The following FGFR3 variants were observed in gnomAD, a reference collection of about 807,000 sequenced individuals.
FGFR3 encodes fibroblast growth factor receptor 3.
A neutral mutation model predicts 82.9 loss-of-function variants in FGFR3; 25 were observed. The observed-to-expected ratio is 0.30, with a 90% confidence interval of 0.22 to 0.42. The LOEUF (loss-of-function observed/expected upper bound fraction) is 0.42. FGFR3 is among the 10% of genes least tolerant of loss of function. FGFR3 has a pLI of 1.00. For synonymous variants in FGFR3, 620 were observed against 516.0 expected (o/e 1.20, Z -2.73); for missense variants, 1,026 against 1,161.0 (o/e 0.88, Z 1.69).
intron 9 of FGFR3, 119 bp downstream of exon 9, chr4:1,804,639 C>T (rs1721645161): frequency 1.4e-6 from 2 of 1,452,220 alleles, no homozygotes; most frequent in Admixed American, 3.4e-5. Context: ...GCGGGCTCCC[C>T]TCTCCTCGTC....
chr4:1,803,625 G>A, intron 7 of FGFR3, 67 bp from the exon 8 acceptor site: 1 of 1,582,194 alleles, frequency 6.3e-7, no homozygotes, highest in Non-Finnish European at 8.6e-7. Context: ...ATCCTGCCGT[G>A]TGGACTCTGT....
intron 8 of FGFR3, 35 bp from the exon 9 acceptor site, chr4:1,804,295 G>A (rs745558716): frequency 7.7e-6 from 12 of 1,556,552 alleles, no homozygotes; most frequent in Admixed American, 5.5e-5. Context: ...TGGGGGGGGG[G>A]GCCAGGCCAG....
At chr4:1,795,400 C>G (rs1057165781) in intron 2 of FGFR3, among the ~76,000 whole-genome samples, 3 of 151,830 alleles carry the variant, frequency 2.0e-5, no homozygotes, top group Admixed American at 6.5e-5. Context: ...GGGCCTCCCC[C>G]AGTCGCTCCT....
In FGFR3 at chr4:1,807,861, G is replaced by A. The variant is rs1176074325; in HGVS notation, c.*599G>A. On this transcript the variant is annotated 3_prime_UTR_variant, in exon 18 of 18. Coordinates refer to ENST00000440486, the MANE Select transcript of FGFR3 (RefSeq NM_000142.5). Reference sequence around the variant, plus strand: ...CAAAAGGTTTATTCCGGAAACTAGTGTACATTTCTATAAATAGATGCTGTG... The same window carrying A: ...CAAAAGGTTTATTCCGGAAACTAGTATACATTTCTATAAATAGATGCTGTG... The A allele has an allele frequency of 1.6e-5, 7 of 426,212 alleles. No individual in the cohort carries two copies. The highest frequency in any genetic ancestry group is 7.3e-5 in the Admixed American group (2 of 27,534). The allele number at this position is 426,212 out of a possible 1,614,324, so 26.4% of individuals were successfully genotyped here.
At chr4:1,802,232 G>A (rs1274790025) in intron 7 of FGFR3, among the ~76,000 whole-genome samples, 2 of 152,188 alleles carry the variant, frequency 1.3e-5, no homozygotes, top group Admixed American at 6.5e-5. Context: ...TTCCGTGTCT[G>A]CAGAGGGCCA....
rs1467223293 is a variant in FGFR3 at position 1,801,498 on chromosome 4, A to G, written c.577A>G (p.Arg193Gly). Residue 193 changes from arginine to glycine, a missense_variant, in exon 5 of 18, where the codon AGG becomes GGG. Arg to Gly is a moderately radical substitution (Grantham distance 125, BLOSUM62 -2). This residue lies in a region of FGFR3 where 147 missense variants were observed against 228.1 expected (regional missense o/e 0.64). Coordinates refer to ENST00000440486, the MANE Select transcript of FGFR3 (RefSeq NM_000142.5). ...CTCCATCTCCTGGCTGAAGAACGGC[A>G]GGGAGTTCCGCGGCGAGCACCGCAT... ...TPSISWLKNG[R>G]EFRGEHRIGG... 3.2e-6 allele frequency: 5 copies of G among 1,561,008 alleles called. No individual in the cohort carries two copies. Among genetic ancestry groups the G allele is most frequent in the Non-Finnish European group, 4.3e-6 (5 of 1,153,198 alleles).
At chr4:1,796,175 G>A (rs909930181) in intron 2 of FGFR3, among the ~76,000 whole-genome samples, 1 of 152,154 alleles carries the variant, frequency 6.6e-6, no homozygotes, top group Non-Finnish European at 1.5e-5. Flanking sequence ...GGTGGGGTAG[G>A]GGTCAGCCTG....
In FGFR3 at chr4:1,805,454, C is replaced by T. The variant is rs755839585; in HGVS notation, c.1512C>T (p.Thr504=). 6.2e-6 allele frequency: 10 copies of T among 1,611,930 alleles called. No individual in the cohort carries two copies. The highest frequency in any genetic ancestry group is 3.3e-5 in the Admixed American group (2 of 59,968). The change falls in exon 11 of 18, where the codon ACC becomes ACT. Residue 504 remains threonine, a synonymous_variant. Coordinates refer to ENST00000440486, the MANE Select transcript of FGFR3 (RefSeq NM_000142.5). The part of the protein sequence containing the change: ...IDKDRAAKPV[T]VAVKMLKDDA... ...AGGACCGGGCCGCCAAGCCTGTCAC[C>T]GTAGCCGTGAAGATGCTGAAAGGTG...
Position 1,806,898 on chromosome 4 carries a change from G to A in FGFR3, c.2238G>A (p.Glu746=), listed in dbSNP as rs2108814694. 1.2e-6 allele frequency: 2 copies of A among 1,611,408 alleles called. No individual in the cohort carries two copies. The highest frequency in any genetic ancestry group is 1.7e-6 in the Non-Finnish European group (2 of 1,179,482). Residue 746 remains glutamate, a synonymous_variant, in exon 17 of 18, where the codon GAG becomes GAA. Transcript: ENST00000440486. ...SQRPTFKQLV[E]DLDRVLTVTS... is the part of the protein sequence containing the mutation. ...GGCCCACCTTCAAGCAGCTGGTGGA[G>A]GACCTGGACCGTGTCCTTACCGTGA... is the stretch of plus-strand genomic sequence containing the variant.
In FGFR3 at chr4:1,803,559, C is replaced by T. The variant is rs1721473243; in HGVS notation, c.931-133C>T. On this transcript the variant is annotated intron_variant, in intron 7 of 17. Transcript: ENST00000440486. The stretch of plus-strand genomic sequence containing the variant: ...GGGCCCTCAGCCGCGTGGCGGTGAC[C>T]AAGTTGGCGGTGGCTGAGGAGTTGG... The T allele has an allele frequency of 3.4e-6, 5 of 1,463,726 alleles. No individual in the cohort carries two copies. The South Asian group carries it at 6.5e-5, about 19-fold the overall frequency. The allele number at this position is 1,463,726 out of a possible 1,614,324, so 90.7% of individuals were successfully genotyped here.
chr4:1,794,217 T>C lies in FGFR3; in HGVS notation c.109+174T>C, dbSNP rs17884005. 0.024 allele frequency among the ~76,000 whole-genome samples: 3,704 copies of C among 152,298 alleles called. 92 individuals carry two copies. The highest frequency in any genetic ancestry group is 0.064 in the African/African-American group (2,661 of 41,568). ...GCGCGGCCAGAGCTAGCGCGGCGAC[T>C]TGTGGTGCGCCCGGAGCCGCAGCTA... On this transcript the variant is annotated intron_variant, in intron 2 of 17. Transcript: ENST00000440486.
At chr4:1,794,125 A>T in intron 2 of FGFR3, 82 bp downstream of exon 2, 1 of 784,426 alleles carries the variant, frequency 1.3e-6, no homozygotes, top group Non-Finnish European at 1.8e-6. Flanking sequence ...CCCGGGTCGG[A>T]GGGGCCGCCG....
rs749083353 is a variant in FGFR3, at chr4:1,804,872, C to T, written c.1315C>T (p.Arg439Cys). 13 of 1,550,170 alleles carry T rather than the reference C, an allele frequency of 8.4e-6. No homozygotes were observed. Among genetic ancestry groups the T allele is most frequent in the Middle Eastern group, 1.8e-4 (1 of 5,584 alleles). The change falls in exon 10 of 18, where the codon CGC (arginine) becomes TGC (cysteine). Residue 439 changes from arginine to cysteine, a missense_variant. Physicochemically the swap from Arg to Cys is radical, Grantham distance 180. Around this residue, in one of 9 missense-constraint regions of FGFR3, gnomAD observed 256 missense variants for 217.6 expected, o/e 1.18. Coordinates refer to ENST00000440486, the MANE Select transcript of FGFR3 (RefSeq NM_000142.5). ...ASMSSNTPLV[R>C]IARLSSGEGP... ...CATGAGCTCCAACACACCACTGGTG[C>T]GCATCGCAAGGCTGTCCTCAGGGGA...
At chr4:1,803,914 G>A (rs975959471) in intron 8 of FGFR3, 78 bp downstream of exon 8, 27 of 1,455,484 alleles carry the variant, frequency 1.9e-5, no homozygotes, top group East Asian at 9.1e-5. Flanking sequence ...CTGCCAGGAC[G>A]GACGGGAATC....
At chr4:1,801,010 C>G (rs892976129) in intron 4 of FGFR3, among the ~76,000 whole-genome samples, 7 of 152,196 alleles carry the variant, frequency 4.6e-5, no homozygotes, top group African/African-American at 1.7e-4. Context: ...CAGGTCCTGG[C>G]TTGTCCACTA....
At chr4:1,802,799 T>C in intron 7 of FGFR3, 2 of 1,340,678 alleles carry the variant, frequency 1.5e-6, no homozygotes, top group Non-Finnish European at 9.8e-7. Context: ...CAGGCAGCCT[T>C]TGGGGCTGAC....
intron 2 of FGFR3, among the ~76,000 whole-genome samples, chr4:1,798,107 C>G (rs886093263): frequency 2.0e-5 from 3 of 152,126 alleles, no homozygotes; most frequent in African/African-American, 7.2e-5. Context: ...ATTGTCCCCC[C>G]AGCCCTGCCC....
chr4:1,803,656 C>T, intron 7 of FGFR3, 36 bp from the exon 8 acceptor site: 1 of 1,607,590 alleles, frequency 6.2e-7, no homozygotes, highest in East Asian at 2.2e-5. Context: ...CAGGGCGGTG[C>T]TGGCGCTCGC....
chr4:1,804,878 G>T lies in FGFR3; in HGVS notation c.1321G>T (p.Ala441Ser). 1.9e-6 allele frequency: 3 copies of T among 1,550,108 alleles called. No homozygotes were observed. Among genetic ancestry groups the T allele is most frequent in the South Asian group, 2.4e-5 (2 of 84,028 alleles). Residue 441 changes from alanine (A) to serine (S), a missense_variant, in exon 10 of 18, where the codon GCA (alanine) becomes TCA (serine). Physicochemically the swap from Ala to Ser is moderately conservative, Grantham distance 99. Transcript: ENST00000440486. ...CTCCAACACACCACTGGTGCGCATCGCAAGGCTGTCCTCAGGGGAGGGCCC... is the reference window on the plus strand; with the variant it reads ...CTCCAACACACCACTGGTGCGCATCTCAAGGCTGTCCTCAGGGGAGGGCCC... ...MSSNTPLVRI[A>S]RLSSGEGPTL...
Sources: gnomAD v4.1 joint callset for allele counts (sites outside exome capture counted in the v4.1 genomes callset) on GRCh38, gnomAD v4.1.1 for gene constraint, gnomAD v4.1.1 regional missense constraint, MANE v1.5 for transcripts, NCBI Gene and HGNC (gene_info 2026-07-23, HGNC 2026-07-21) for gene names.